Variants in PPL observed in about 807,000 individuals in gnomAD.
PPL encodes the protein periplakin.
In PPL, 198 loss-of-function variants were observed where a neutral mutation model predicts 194.4. That is an observed-to-expected ratio of 1.02 (90% CI 0.91 to 1.15). PPL has a LOEUF of 1.15. PPL is among the 50% of genes most tolerant of loss of function. The pLI is 0.00. For synonymous variants in PPL, 1,220 were observed against 972.4 expected (o/e 1.25, Z -4.74); for missense variants, 2,885 against 2,294.8 (o/e 1.26, Z -5.25).
intron 2 of PPL, among the ~76,000 whole-genome samples, chr16:4,909,424 CTTTTTTTTTTT>C (rs199792362): frequency 1.1e-4 from 13 of 118,220 alleles, no homozygotes; most frequent in African/African-American, 7.9e-5. Flanking sequence ...CTGGTCCCAC[CTTTTTTTTTTT>C]TTTTTTTTTT....
Position 4,885,644 on chromosome 16 carries a change from C to A in PPL, c.3011G>T (p.Arg1004Met). ...CTGCAAGACCTCATCCGCCTGGGCCCTGTCAGGCTCGATGCGCAGGACCTC... is the reference window on the plus strand; with the variant it reads ...CTGCAAGACCTCATCCGCCTGGGCCATGTCAGGCTCGATGCGCAGGACCTC... ...VKEVLRIEPD[R>M]AQADEVLQLR... Residue 1004 changes from arginine (R) to methionine (M), a missense_variant, in exon 22 of 22, where the codon AGG becomes ATG. By Grantham distance (91) the Arg-to-Met change is moderately conservative (BLOSUM62 -1). Coordinates refer to ENST00000345988, the MANE Select transcript of PPL (RefSeq NM_002705.5). The surrounding 1 kb of genome is among the most constrained non-coding windows in gnomAD (Gnocchi z 6.3). The A allele has an allele frequency of 1.9e-6, 3 of 1,612,914 alleles. No individual in the cohort carries two copies. The highest frequency in any genetic ancestry group is 2.5e-6 in the Non-Finnish European group (3 of 1,179,702).
At chr16:4,914,931 C>A (rs1027790587) in intron 1 of PPL, among the ~76,000 whole-genome samples, 1 of 152,198 alleles carries the variant, frequency 6.6e-6, no homozygotes, top group Admixed American at 6.5e-5. Flanking sequence ...ACACTCCCAC[C>A]CCAGTCACTG....
chr16:4,927,830 G>A (rs2089178821), intron 1 of PPL, among the ~76,000 whole-genome samples: 1 of 152,222 alleles, frequency 6.6e-6, no homozygotes, highest in Non-Finnish European at 1.5e-5. Flanking sequence ...TGTCAGGTGA[G>A]TGCTTTTGGG....
intron 3 of PPL, among the ~76,000 whole-genome samples, chr16:4,903,485 C>T (rs1000833023): frequency 2.6e-5 from 4 of 152,056 alleles, no homozygotes; most frequent in African/African-American, 7.2e-5. Context: ...TTTGGGAGGT[C>T]GAGGCAGGCG....
rs572374015 is a variant in PPL at position 4,931,932 on chromosome 16, G to A, written c.62+5052C>T. Among the ~76,000 whole-genome samples the A allele has an allele frequency of 3.9e-5, 6 of 152,328 alleles. No homozygotes were observed. In the South Asian group the frequency reaches 1.2e-3, roughly 32 times the overall value. On this transcript the variant is annotated intron_variant, in intron 1 of 21. Coordinates refer to ENST00000345988, the MANE Select transcript of PPL (RefSeq NM_002705.5). ...CTCATTCCTTCTTCCAAGAGAACTG[G>A]GCAAGGGATGGAGGGGCAAAGCTAG...
intron 1 of PPL, among the ~76,000 whole-genome samples, chr16:4,912,313 C>A (rs1253923265): frequency 6.6e-6 from 1 of 152,252 alleles, no homozygotes; most frequent in Non-Finnish European, 1.5e-5. Flanking sequence ...AACACGTGGC[C>A]TTTTGCGTCT....
chr16:4,887,822 C>A (rs1337891803), intron 20 of PPL, among the ~76,000 whole-genome samples: 3 of 152,166 alleles, frequency 2.0e-5, no homozygotes, highest in African/African-American at 7.2e-5. Context: ...TCTCCAACCC[C>A]TGGGCTCAAG....
rs761918504 is a variant in PPL at position 4,884,444 on chromosome 16, T to TCCAG, written c.4207_4210dup (p.Glu1404AlafsTer34). On this transcript the variant is annotated frameshift_variant, in exon 22 of 22. Coordinates refer to ENST00000345988, the MANE Select transcript of PPL (RefSeq NM_002705.5). LOFTEE classifies it high-confidence loss of function. The surrounding 1 kb of genome is among the most constrained non-coding windows in gnomAD (Gnocchi z 5.7). Reference sequence around the variant, plus strand: ...GGCCTGCCGCTCGCGCTCTAGCTCCTCCAGCTGCCGCTCAAGCTCGGTGCG... The same window carrying TCCAG: ...GGCCTGCCGCTCGCGCTCTAGCTCCTCCAGCCAGCTGCCGCTCAAGCTCGGTGCG... The TCCAG allele has an allele frequency of 6.2e-7, 1 of 1,602,048 alleles. No individual in the cohort carries two copies. The highest frequency in any genetic ancestry group is 8.5e-7 in the Non-Finnish European group (1 of 1,176,998).
In PPL at chr16:4,892,108, G is replaced by A. The variant is rs769161100; in HGVS notation, c.1756C>T (p.Leu586=). The A allele has an allele frequency of 2.5e-6, 4 of 1,613,790 alleles. No individual in the cohort carries two copies. The highest frequency in any genetic ancestry group is 2.5e-6 in the Non-Finnish European group (3 of 1,180,028). ...TTGGTGTCCTCCACCCGGGTCCTCA[G>A]CAGGGGTGTGGTGCCACTGCCTGGG... ...ALPGSGTTPL[L]RTRVEDTNRK... Residue 586 remains leucine, a synonymous_variant, in exon 15 of 22, where the codon CTG becomes TTG. Transcript: ENST00000345988.
intron 17 of PPL, 43 bp downstream of exon 17, chr16:4,890,685 A>G (rs760382621): frequency 2.1e-5 from 33 of 1,557,704 alleles, no homozygotes; most frequent in Non-Finnish European, 2.7e-5. Context: ...ATTAGATCGC[A>G]TTCTCAGAAA....
chr16:4,892,172 C>T lies in PPL; in HGVS notation c.1692G>A (p.Thr564=), dbSNP rs1007025180. The change falls in exon 15 of 22, where the codon ACG becomes ACA. Residue 564 remains threonine (T), a synonymous_variant. Coordinates refer to ENST00000345988, the MANE Select transcript of PPL (RefSeq NM_002705.5). ...AGGCTTCGCCCTCAGCCGTGCTCCGCGTCTTCTCAGGTTCAATCCGCAGTA... is the reference window on the plus strand; with the variant it reads ...AGGCTTCGCCCTCAGCCGTGCTCCGTGTCTTCTCAGGTTCAATCCGCAGTA... ...NELLRIEPEK[T]RSTAEGEAFI... 2.7e-5 allele frequency: 43 copies of T among 1,613,648 alleles called. No homozygotes were observed. Among genetic ancestry groups the T allele is most frequent in the Non-Finnish European group, 3.5e-5 (41 of 1,179,968 alleles).
intron 1 of PPL, among the ~76,000 whole-genome samples, chr16:4,929,669 T>C (rs866833137): frequency 8.5e-5 from 13 of 152,214 alleles, no homozygotes; most frequent in African/African-American, 3.1e-4. Flanking sequence ...TTAGATTTAC[T>C]GGTTCTTCCT....
intron 1 of PPL, among the ~76,000 whole-genome samples, chr16:4,912,538 A>G (rs2088838820): frequency 6.6e-6 from 1 of 152,254 alleles, no homozygotes; most frequent in Non-Finnish European, 1.5e-5. Flanking sequence ...TTGTGTGAGC[A>G]GTCTTATTTT....
At position 4,920,945 on chromosome 16, in the gene PPL, C is replaced by T. The variant is rs536109260; in HGVS notation, c.63-9996G>A. Among the ~76,000 whole-genome samples, 3 of 152,278 alleles carry T rather than the reference C, an allele frequency of 2.0e-5. No homozygotes were observed. In the South Asian group the frequency reaches 6.2e-4, roughly 32 times the overall value. On this transcript the variant is annotated intron_variant, in intron 1 of 21. Transcript: ENST00000345988. ...ACAATTCGGGCCTTGCTGGCTGTTT[C>T]ACCAGTGGGCCTGAATGAGGACCCA... is the stretch of plus-strand genomic sequence containing the variant.
chr16:4,917,334 A>G (rs551722118), intron 1 of PPL, among the ~76,000 whole-genome samples: 3 of 152,306 alleles, frequency 2.0e-5, no homozygotes, highest in Admixed American at 1.3e-4. Context: ...CCAAAGAATG[A>G]AGGCAGGACT....
chr16:4,911,497 T>G (rs544453288), intron 1 of PPL, among the ~76,000 whole-genome samples: 48 of 151,456 alleles, frequency 3.2e-4, no homozygotes, highest in Admixed American at 1.3e-3. Context: ...AATGCTTCTA[T>G]TTTTTATTTT....
chr16:4,892,795 C>A, intron 14 of PPL: 1 of 169,874 alleles, frequency 5.9e-6, no homozygotes, highest in East Asian at 1.7e-4. Context: ...GGCCCCTCCA[C>A]GTCCCCCCTG....
chr16:4,925,698 G>A (rs1660032308), intron 1 of PPL, among the ~76,000 whole-genome samples: 2 of 152,166 alleles, frequency 1.3e-5, no homozygotes, highest in Admixed American at 6.5e-5. Flanking sequence ...GAGGCTCACA[G>A]AAGTTAAGAA....
chr16:4,902,420 C>T lies in PPL; in HGVS notation c.424G>A (p.Val142Met). 6.2e-7 allele frequency: 1 copy of T among 1,613,998 alleles called. No homozygotes were observed. Among genetic ancestry groups the T allele is most frequent in the Non-Finnish European group, 8.5e-7 (1 of 1,179,924 alleles). Residue 142 changes from valine to methionine, a missense_variant, in exon 4 of 22, where the codon GTG (valine) becomes ATG (methionine). By Grantham distance (21) the Val-to-Met change is conservative. Coordinates refer to ENST00000345988, the MANE Select transcript of PPL (RefSeq NM_002705.5). The surrounding 1 kb of genome is among the most constrained non-coding windows in gnomAD (Gnocchi z 4.0). Reference protein sequence around the residue: ...VDPQVNWAALVEEKLDKLNNQ... With the variant: ...VDPQVNWAALMEEKLDKLNNQ... ...CCAGGCCATACCAGCTTCTCCTCCA[C>T]CAGTGCCGCCCAGTTGACCTGTGGA...
Sources: gnomAD v4.1 joint callset for allele counts (sites outside exome capture counted in the v4.1 genomes callset) on GRCh38, gnomAD v4.1.1 for gene constraint, Gnocchi (gnomAD v3.1) non-coding constraint, MANE v1.5 for transcripts, NCBI Gene and HGNC (gene_info 2026-07-23, HGNC 2026-07-21) for gene names.